Variants in C20orf173 observed in about 807,000 individuals in gnomAD.
The protein encoded by C20orf173 is uncharacterized protein C20orf173.
A neutral mutation model predicts 26.7 loss-of-function variants in C20orf173; 22 were observed. The ratio of observed to expected loss-of-function variants is 0.82; its 90% CI spans 0.59 to 1.18. The LOEUF (loss-of-function observed/expected upper bound fraction) is 1.18, where lower values mean the gene tolerates loss of function less well. Ranked by LOEUF, C20orf173 falls within the 50% of genes most tolerant of loss-of-function variation. The pLI is 0.00. For missense variants in C20orf173, 210 were observed against 250.3 expected, an observed-to-expected ratio of 0.84 and a Z score of 1.09; for synonymous variants, 85 against 96.4, an observed-to-expected ratio of 0.88 and a Z score of 0.69.
chr20:35,522,952 T>C (rs1374841106), downstream of C20orf173: 1 of 152,664 alleles, frequency 6.6e-6, no homozygotes, highest in African/African-American at 2.4e-5. Context: ...GATGGAGAGA[T>C]GGCTAGGACC....
chr20:35,529,315 A>G lies in C20orf173; in HGVS notation c.59T>C (p.Met20Thr). The change falls in exon 2 of 6, where the codon ATG becomes ACG. Residue 20 changes from methionine (M) to threonine (T), a missense_variant. Transcript: ENST00000444723. ...AGGTGTCAGATCCAGATAGGGGGTC[A>G]TCAGCCAGAGGATGAGCACCCAAAA... The part of the protein sequence containing the change: ...WVFWVLILWL[M>T]TPYLDLTPES... 6.4e-7 allele frequency: 1 copy of G among 1,551,236 alleles called. No individual in the cohort carries two copies. Among genetic ancestry groups the G allele is most frequent in the Non-Finnish European group, 8.7e-7 (1 of 1,146,898 alleles).
downstream of C20orf173, chr20:35,520,808 C>G (rs2064470540): frequency 6.6e-6 from 1 of 152,096 alleles, no homozygotes; most frequent in African/African-American, 2.4e-5. Flanking sequence ...AAGACAGAAT[C>G]AGTAATAGAA....
At chr20:35,526,355 G>T (rs1219889938), downstream of C20orf173, among the ~76,000 whole-genome samples, 1 of 152,178 alleles carries the variant, frequency 6.6e-6, no homozygotes, top group Non-Finnish European at 1.5e-5. Context: ...GCTAGGCACA[G>T]TGACTCACAC....
At chr20:35,522,593 A>G (rs2064481550), downstream of C20orf173, 1 of 152,672 alleles carries the variant, frequency 6.5e-6, no homozygotes, top group East Asian at 1.9e-4. Context: ...GTTCATCCTG[A>G]AAAGGAAGTT....
intron 2 of C20orf173, 56 bp from the exon 3 acceptor site, chr20:35,528,935 T>G: frequency 6.5e-7 from 1 of 1,547,040 alleles, no homozygotes; most frequent in Non-Finnish European, 8.7e-7. Flanking sequence ...AAAACAGAGC[T>G]GGGTGGGTGA....
Position 35,528,899 on chromosome 20 carries a change from G to A in C20orf173, c.310-20C>T. On this transcript the variant is annotated intron_variant, in intron 2 of 5. Coordinates refer to ENST00000444723, the MANE Select transcript of C20orf173 (RefSeq NM_001145350.2). ...CATGCCCTGGAAACAGCAAGAGGGA[G>A]ATTGGGGGCTGGGCCCAGGGGAGAG... 6.4e-7 allele frequency: 1 copy of A among 1,551,346 alleles called. No homozygotes were observed. The highest frequency in any genetic ancestry group is 1.2e-5 in the South Asian group (1 of 84,028).
At position 35,527,642 on chromosome 20, in the gene C20orf173, T is replaced by TG. The variant is rs1165358393; in HGVS notation, c.*26-393dup. Among the ~76,000 whole-genome samples the TG allele has an allele frequency of 3.3e-5, 5 of 150,404 alleles. No homozygotes were observed. In the East Asian group the frequency reaches 9.8e-4, roughly 29 times the overall value. On this transcript the variant is annotated intron_variant, in intron 5 of 5. Coordinates refer to ENST00000444723, the MANE Select transcript of C20orf173 (RefSeq NM_001145350.2). The stretch of plus-strand genomic sequence containing the variant: ...TGTATAGTCTTTTTTTTTTCTGAGA[T>TG]GGAGTCTCGCTCTGTCACCAGGCTG...
At chr20:35,524,094 T>G (rs2064489840), downstream of C20orf173, among the ~76,000 whole-genome samples, 1 of 152,224 alleles carries the variant, frequency 6.6e-6, no homozygotes, top group Non-Finnish European at 1.5e-5. Flanking sequence ...CTTGGCTCAC[T>G]GCAACCCCCG....
At position 35,528,522 on chromosome 20, in the gene C20orf173, A is replaced by G; in HGVS notation, c.511T>C (p.Trp171Arg). The G allele has an allele frequency of 6.4e-7, 1 of 1,551,728 alleles. No homozygotes were observed. The highest frequency in any genetic ancestry group is 1.2e-5 in the South Asian group (1 of 84,062). The change falls in exon 4 of 6, where the codon TGG becomes CGG. Residue 171 changes from tryptophan (W) to arginine (R), a missense_variant. By Grantham distance (101) the Trp-to-Arg change is moderately radical. Transcript: ENST00000444723. ...CGCAGTAGCATCTCCAGCTGCATCC[A>G]GGAGCCCTGGTCGCTGGCATTCCTG... ...VFRNASDQGS[W>R]MQLEMLLRKL...
At chr20:35,527,927 C>T (rs1303308048) in intron 5 of C20orf173, among the ~76,000 whole-genome samples, 4 of 152,164 alleles carry the variant, frequency 2.6e-5, no homozygotes, top group Non-Finnish European at 5.9e-5. Context: ...TGTTGGGATA[C>T]AGGCATGAGC....
In C20orf173 at chr20:35,529,190, T is replaced by C; in HGVS notation, c.184A>G (p.Asn62Asp). 4 of 1,551,628 alleles carry C rather than the reference T, an allele frequency of 2.6e-6. No individual in the cohort carries two copies. The highest frequency in any genetic ancestry group is 3.5e-6 in the Non-Finnish European group (4 of 1,146,976). The change falls in exon 2 of 6, where the codon AAC (asparagine) becomes GAC (aspartate). Residue 62 changes from asparagine (N) to aspartate (D), a missense_variant. Asn to Asp is a conservative substitution (Grantham distance 23). Transcript: ENST00000444723. Reference protein sequence around the residue: ...GKCGCPSETLNCSSCHHTADE... With the variant: ...GKCGCPSETLDCSSCHHTADE... ...GCTGTGTGGTGGCAGGAGGAGCAGT[T>C]GAGGGTCTCAGAAGGGCAGCCACAC...
chr20:35,524,348 T>C (rs2064491506), downstream of C20orf173, among the ~76,000 whole-genome samples: 1 of 152,166 alleles, frequency 6.6e-6, no homozygotes, highest in South Asian at 2.1e-4. Context: ...ACACTTATAG[T>C]GTATCTAAAT....
chr20:35,526,641 A>C (rs936110256), downstream of C20orf173, among the ~76,000 whole-genome samples: 1 of 151,486 alleles, frequency 6.6e-6, no homozygotes. Flanking sequence ...AAAAAAAAAA[A>C]AAAAAAAAAG....
downstream of C20orf173, chr20:35,523,381 GGAA>G (rs2147281535): frequency 6.6e-6 from 1 of 152,318 alleles, no homozygotes; most frequent in East Asian, 1.9e-4. Context: ...CCTGGCACCG[GGAA>G]GAAGAGGCTG....
intron 5 of C20orf173, 127 bp downstream of exon 5, chr20:35,528,106 C>A: frequency 1.3e-6 from 1 of 782,310 alleles, no homozygotes; most frequent in Non-Finnish European, 2.2e-6. Context: ...CCAGGGATGA[C>A]CCTGACCCTG....
At position 35,528,776 on chromosome 20, in the gene C20orf173, A is replaced by G. The variant is rs768458950; in HGVS notation, c.413T>C (p.Val138Ala). The G allele has an allele frequency of 6.4e-7, 1 of 1,550,674 alleles. No homozygotes were observed. The highest frequency in any genetic ancestry group is 1.2e-5 in the South Asian group (1 of 84,004). The change falls in exon 3 of 6, where the codon GTG becomes GCG. Residue 138 changes from valine (V) to alanine (A), a missense_variant. Transcript: ENST00000444723. ...SHFDFYCGTC[V>A]LLGRPQIPQG... ...CGGGATCTGTGGGCGCCCCAACAGCACACAAGTCCCACAATAGAAATCAAA... is the reference window on the plus strand; with the variant it reads ...CGGGATCTGTGGGCGCCCCAACAGCGCACAAGTCCCACAATAGAAATCAAA...
At chr20:35,526,945 G>C (rs563378283), downstream of C20orf173, 1 of 152,298 alleles carries the variant, frequency 6.6e-6, no homozygotes, top group Non-Finnish European at 1.5e-5. Context: ...GGCACCTCTG[G>C]CCCATCCCTC....
intron 4 of C20orf173, 49 bp from the exon 5 acceptor site, chr20:35,528,333 A>T (rs1357513235): frequency 4.5e-6 from 7 of 1,551,112 alleles, no homozygotes; most frequent in South Asian, 1.2e-5. Flanking sequence ...GACCTGGGAA[A>T]GTCCTGCAAG....
At position 35,529,138 on chromosome 20, in the gene C20orf173, C is replaced by T; in HGVS notation, c.236G>A (p.Cys79Tyr). The change falls in exon 2 of 6, where the codon TGC becomes TAC. Residue 79 changes from cysteine to tyrosine, a missense_variant. Cys to Tyr is a radical substitution (Grantham distance 194). Transcript: ENST00000444723. ...TADEWNWLDACSRKTMGYLMR... is the reference protein window; with the variant it reads ...TADEWNWLDAYSRKTMGYLMR... Reference sequence around the variant, plus strand: ...CAGGTACCCCATAGTCTTCCTGGAGCACGCATCAAGCCAGTTCCATTCGTC... The same window carrying T: ...CAGGTACCCCATAGTCTTCCTGGAGTACGCATCAAGCCAGTTCCATTCGTC... The T allele has an allele frequency of 6.4e-7, 1 of 1,551,706 alleles. No individual in the cohort carries two copies. Among genetic ancestry groups the T allele is most frequent in the Non-Finnish European group, 8.7e-7 (1 of 1,146,996 alleles).
Sources: allele counts gnomAD v4.1 joint callset (sites outside exome capture counted in the v4.1 genomes callset), GRCh38; gene constraint gnomAD v4.1.1; transcripts MANE v1.5; gene names NCBI Gene and HGNC (gene_info 2026-07-23, HGNC 2026-07-21).